CCND3: variants seen among roughly 807,000 people sequenced by gnomAD.
The protein encoded by CCND3 is G1/S-specific cyclin-D3.
In CCND3, 9 loss-of-function variants were observed where a neutral mutation model predicts 28.7. The ratio of observed to expected loss-of-function variants is 0.31; its 90% CI spans 0.19 to 0.55. The LOEUF is 0.55. CCND3 is among the 20% of genes least tolerant of loss of function. CCND3 has a pLI of 0.93. For missense variants in CCND3, 315 were observed against 385.8 expected, an observed-to-expected ratio of 0.82 and a Z score of 1.54; for synonymous variants, 164 against 163.9, an observed-to-expected ratio of 1.00 and a Z score of 0.00.
At chr6:42,038,030 C>CAA (rs11286915) in intron 1 of CCND3, among the ~76,000 whole-genome samples, 2 of 85,876 alleles carry the variant, frequency 2.3e-5, no homozygotes, top group African/African-American at 4.4e-5. Context: ...GACTCGGTCT[C>CAA]AAAAAAAAAA....
At chr6:42,045,924 G>A (rs916956029) in intron 1 of CCND3, among the ~76,000 whole-genome samples, 28 of 152,136 alleles carry the variant, frequency 1.8e-4, no homozygotes, top group African/African-American at 6.5e-4. Context: ...CAAGGGCTCC[G>A]CTGCACCCCA....
intron 2 of CCND3, among the ~76,000 whole-genome samples, chr6:41,940,139 G>A (rs1041792386): frequency 6.6e-6 from 1 of 152,214 alleles, no homozygotes; most frequent in African/African-American, 2.4e-5. Context: ...TCCCCTGGAG[G>A]TCAGGAGGAG....
chr6:41,985,057 T>C (rs542969948), intron 1 of CCND3, among the ~76,000 whole-genome samples: 23 of 152,322 alleles, frequency 1.5e-4, no homozygotes, highest in Admixed American at 1.5e-3. Flanking sequence ...ATTAATTTCC[T>C]ATGAAATGTG....
At chr6:41,963,828 G>A (rs1761782162) in intron 1 of CCND3, among the ~76,000 whole-genome samples, 1 of 152,024 alleles carries the variant, frequency 6.6e-6, no homozygotes, top group Non-Finnish European at 1.5e-5. Flanking sequence ...CTTTGAGCTG[G>A]CTGTTCCCTC....
chr6:41,989,474 A>C (rs1288565654), intron 1 of CCND3, among the ~76,000 whole-genome samples: 5 of 151,312 alleles, frequency 3.3e-5, no homozygotes, highest in African/African-American at 1.2e-4. Context: ...AAACAAAAAA[A>C]AAAAACAGAA....
chr6:42,000,562 A>ATTTTTT (rs1458063924), intron 1 of CCND3, among the ~76,000 whole-genome samples: 1 of 14,008 alleles, frequency 7.1e-5, no homozygotes, highest in African/African-American at 2.0e-4. Flanking sequence ...GGTGAAACGA[A>ATTTTTT]TCTTTTTTTT....
intron 2 of CCND3, among the ~76,000 whole-genome samples, chr6:41,937,957 G>C (rs1186468395): frequency 6.6e-6 from 1 of 152,160 alleles, no homozygotes; most frequent in Non-Finnish European, 1.5e-5. Flanking sequence ...TTCCTCAAAG[G>C]GGAGATTGCC....
intron 1 of CCND3, among the ~76,000 whole-genome samples, chr6:42,026,667 C>T (rs1763884438): frequency 6.6e-6 from 1 of 152,176 alleles, no homozygotes; most frequent in Non-Finnish European, 1.5e-5. Context: ...GTACTAGAAG[C>T]TCCACTATGT....
upstream of CCND3, among the ~76,000 whole-genome samples, chr6:41,943,315 T>C (rs1776091085): frequency 2.6e-5 from 4 of 152,228 alleles, no homozygotes; most frequent in Admixed American, 2.6e-4. Context: ...AATATATCAA[T>C]GTTTATTTTT....
chr6:41,964,486 ATGTG>A (rs57170949), intron 1 of CCND3, among the ~76,000 whole-genome samples: 4 of 103,056 alleles, frequency 3.9e-5, no homozygotes, highest in East Asian at 4.1e-4. Context: ...GTGTGTGTGA[ATGTG>A]TGTGTGTGAG....
At chr6:41,944,297 T>C (rs1026010199), upstream of CCND3, among the ~76,000 whole-genome samples, 2 of 152,084 alleles carry the variant, frequency 1.3e-5, no homozygotes, top group African/African-American at 4.8e-5. Context: ...TAACGGCACA[T>C]GACCTTCCTT....
chr6:41,945,515 CA>C (rs79628448), upstream of CCND3, among the ~76,000 whole-genome samples: 27,962 of 148,172 alleles, frequency 0.19, 3,222 homozygotes, highest in East Asian at 0.27. Context: ...ACTCTGTCTC[CA>C]AAAAAAAAAG....
At chr6:41,972,809 A>C (rs1203325355) in intron 1 of CCND3, among the ~76,000 whole-genome samples, 1 of 151,514 alleles carries the variant, frequency 6.6e-6, no homozygotes, top group African/African-American at 2.4e-5. Context: ...TTGATCTCAG[A>C]AGTTCAAGAC....
chr6:42,048,891 A>C lies in CCND3; in HGVS notation c.-436T>G, dbSNP rs1306450174. On this transcript the variant is annotated 5_prime_UTR_variant, in exon 1 of 5. Transcript: ENST00000372988. This position sits in a 1 kb window ranked among gnomAD's most constrained non-coding sequence, Gnocchi z 4.7. ...CCGCAGCCCCCGCCCCACGCGGCAT[A>C]GGTGCGGGGGCGGGGCGCCACGGAG... 1.0e-5 allele frequency: 3 copies of C among 290,724 alleles called. No homozygotes were observed. The allele number at this position is 290,724 out of a possible 1,614,324, so 18.0% of individuals were successfully genotyped here. A position where few individuals can be genotyped will look rare whatever the true frequency, so the allele number is the denominator to read the frequency against.
rs1561958156 is a variant in CCND3, at chr6:41,951,566, ACACAC to A, written c.-45-10986_-45-10982del. On this transcript the variant is annotated intron_variant, in intron 1 of 4. Coordinates refer to the CCND3 transcript ENST00000372988. ...GACACACACACACACACACACACACACACACACACAAAAAAAAAGATTAAGTGGGA... is the reference window on the plus strand; with the variant it reads ...GACACACACACACACACACACACACAACACAAAAAAAAAGATTAAGTGGGA... Among the ~76,000 whole-genome samples the A allele has an allele frequency of 8.9e-4, 90 of 100,648 alleles. 4 individuals are homozygous for A. The highest frequency in any genetic ancestry group is 1.1e-3 in the Non-Finnish European group (52 of 48,068). 66.0% of individuals were successfully genotyped at this position (100,648 alleles called of 152,430 possible).
chr6:42,033,269 T>C (rs1764095951), intron 1 of CCND3, among the ~76,000 whole-genome samples: 1 of 151,490 alleles, frequency 6.6e-6, no homozygotes, highest in Non-Finnish European at 1.5e-5. Context: ...CTGGCCAACA[T>C]GGTGAAACCT....
At chr6:41,977,618 A>G (rs1216588346) in intron 1 of CCND3, among the ~76,000 whole-genome samples, 1 of 152,098 alleles carries the variant, frequency 6.6e-6, no homozygotes, top group Non-Finnish European at 1.5e-5. Flanking sequence ...CCACCCACCT[A>G]GGCCTCCCAA....
chr6:42,043,895 C>T (rs544137942), intron 1 of CCND3, among the ~76,000 whole-genome samples: 34 of 152,274 alleles, frequency 2.2e-4, no homozygotes, highest in African/African-American at 8.2e-4. Flanking sequence ...GAATTTCACC[C>T]AGGGTGGGAG....
intron 1 of CCND3, among the ~76,000 whole-genome samples, chr6:41,989,435 CAA>C (rs1762587291): frequency 3.3e-5 from 3 of 90,944 alleles, no homozygotes; most frequent in Non-Finnish European, 5.8e-5. Context: ...GCCTGGGCGA[CAA>C]GAGTGAAACA....
Sources: gnomAD v4.1 joint callset for allele counts (sites outside exome capture counted in the v4.1 genomes callset) on GRCh38, gnomAD v4.1.1 for gene constraint, Gnocchi (gnomAD v3.1) non-coding constraint, MANE v1.5 for transcripts, NCBI Gene and HGNC (gene_info 2026-07-23, HGNC 2026-07-21) for gene names.